Variants in STOX2 observed in about 807,000 individuals in gnomAD.
STOX2 encodes storkhead-box protein 2.
Under a neutral mutation model 60.9 loss-of-function variants are expected in STOX2, and 28 were observed. The ratio of observed to expected loss-of-function variants is 0.46; its 90% confidence interval spans 0.34 to 0.63. The LOEUF (loss-of-function observed/expected upper bound fraction) is 0.63. STOX2 is among the 30% of genes least tolerant of loss of function. The pLI is 0.01. For synonymous variants in STOX2, 472 were observed against 463.9 expected, an observed-to-expected ratio of 1.02 and a Z score of -0.22; for missense variants, 1,024 against 1,187.7, an observed-to-expected ratio of 0.86 and a Z score of 2.03.
At chr4:183,916,027 C>T (rs1313597249) in intron 1 of STOX2, among the ~76,000 whole-genome samples, 1 of 152,242 alleles carries the variant, frequency 6.6e-6, no homozygotes, top group Non-Finnish European at 1.5e-5. Context: ...TCCTGGCCTT[C>T]CTTACATGGA....
intron 1 of STOX2, among the ~76,000 whole-genome samples, chr4:183,961,649 G>T (rs937201948): frequency 6.6e-6 from 1 of 152,196 alleles, no homozygotes; most frequent in African/African-American, 2.4e-5. Flanking sequence ...CAGTGGTGAC[G>T]TCTGGGCTTT....
intron 1 of STOX2, among the ~76,000 whole-genome samples, chr4:183,933,278 A>G (rs1742489711): frequency 6.6e-6 from 1 of 152,254 alleles, no homozygotes; most frequent in Admixed American, 6.5e-5. Flanking sequence ...TTAATACTGC[A>G]GATTTAGCCA....
chr4:183,819,975 G>A (rs1739268254), intron 1 of STOX2, among the ~76,000 whole-genome samples: 1 of 152,184 alleles, frequency 6.6e-6, no homozygotes, highest in South Asian at 2.1e-4. Flanking sequence ...GTGCATTATG[G>A]TATAAGTATC....
Position 183,949,685 on chromosome 4 carries a change from G to A in STOX2, c.166+42729G>A, listed in dbSNP as rs558173647. 8.1e-4 allele frequency among the ~76,000 whole-genome samples: 123 copies of A among 152,302 alleles called. 2 individuals are homozygous for A. The highest frequency in any genetic ancestry group is 2.9e-3 in the African/African-American group (119 of 41,570). ...TGTACTCCAGCCTGGGCGACAGGGC[G>A]AGACTCCGTATCAAAATCAAACAAA... On this transcript the variant is annotated intron_variant, in intron 1 of 3. Transcript: ENST00000308497.
At chr4:183,834,609 C>T (rs191934852) in intron 1 of STOX2, among the ~76,000 whole-genome samples, 252 of 152,204 alleles carry the variant, frequency 1.7e-3, no homozygotes, top group Non-Finnish European at 2.8e-3. Context: ...CTATATATTC[C>T]CCAGTTGTCG....
Position 183,819,273 on chromosome 4 carries a change from G to A in STOX2, c.364+21218G>A, listed in dbSNP as rs376660875. Among the ~76,000 whole-genome samples, 24 of 152,196 alleles carry A rather than the reference G, an allele frequency of 1.6e-4. No individual in the cohort carries two copies. In the East Asian group the frequency reaches 2.1e-3, roughly 14 times the overall value. On this transcript the variant is annotated intron_variant, in intron 1 of 2. Transcript: ENST00000513034. ...GGGCAACATTGAGCACTGAGTGAAC[G>A]AGACTCCATCTGCAATCCCGGCACC...
chr4:183,965,312 C>T (rs1743533349), intron 1 of STOX2, among the ~76,000 whole-genome samples: 1 of 152,162 alleles, frequency 6.6e-6, no homozygotes, highest in South Asian at 2.1e-4. Context: ...ATTACACCCA[C>T]ATCACAGGTT....
chr4:183,895,700 C>T (rs187443739), intron 1 of STOX2, among the ~76,000 whole-genome samples: 74 of 152,228 alleles, frequency 4.9e-4, no homozygotes, highest in Middle Eastern at 3.4e-3. Flanking sequence ...TTTGGTACCC[C>T]AGTACCTAGA....
chr4:183,833,575 G>A (rs1454692291), intron 1 of STOX2, among the ~76,000 whole-genome samples: 3 of 151,362 alleles, frequency 2.0e-5, no homozygotes, highest in South Asian at 2.1e-4. Context: ...GAGAAATAGC[G>A]TTGGCAAGGC....
At position 183,906,614 on chromosome 4, in the gene STOX2, T is replaced by G. The variant is rs999148352; in HGVS notation, c.-177T>G. 1.8e-5 allele frequency: 11 copies of G among 601,636 alleles called. No homozygotes were observed. The highest frequency in any genetic ancestry group is 2.5e-5 in the Non-Finnish European group (9 of 354,598). The allele number at this position is 601,636 out of a possible 1,614,324, so 37.3% of individuals were successfully genotyped here. ...AATCGGAGCCTTCGCCGTGGGGGTG[T>G]GGGGGGGCGTGGGGAGGGCCGGACC... is the stretch of plus-strand genomic sequence containing the variant. On this transcript the variant is annotated 5_prime_UTR_variant, in exon 1 of 4. Transcript: ENST00000308497.
intron 1 of STOX2, among the ~76,000 whole-genome samples, chr4:183,815,479 A>G (rs1739134335): frequency 6.6e-6 from 1 of 152,194 alleles, no homozygotes; most frequent in Non-Finnish European, 1.5e-5. Flanking sequence ...GATTTTTAAT[A>G]AATGATATAT....
At chr4:183,924,340 AG>A (rs1441024255) in intron 1 of STOX2, among the ~76,000 whole-genome samples, 2 of 152,062 alleles carry the variant, frequency 1.3e-5, no homozygotes, top group Non-Finnish European at 2.9e-5. Context: ...GGGCTGAGTA[AG>A]GGGGGCTGGA....
chr4:183,901,370 C>T (rs536738502), upstream of STOX2, among the ~76,000 whole-genome samples: 1 of 152,246 alleles, frequency 6.6e-6, no homozygotes, highest in Admixed American at 6.5e-5. Flanking sequence ...TTGCTATGAA[C>T]ATGGGGGTGG....
chr4:183,830,489 G>A (rs1403659073), intron 1 of STOX2, among the ~76,000 whole-genome samples: 1 of 152,156 alleles, frequency 6.6e-6, no homozygotes, highest in Non-Finnish European at 1.5e-5. Flanking sequence ...GCCAGGGCTG[G>A]GAGAGATGGT....
chr4:183,834,585 G>A (rs950592486), intron 1 of STOX2, among the ~76,000 whole-genome samples: 1 of 152,254 alleles, frequency 6.6e-6, no homozygotes, highest in African/African-American at 2.4e-5. Flanking sequence ...AAGGAAGGCT[G>A]TTGGCTCTAC....
rs145388948 is a variant in STOX2, at chr4:183,939,201, A to G, written c.166+32245A>G. Among the ~76,000 whole-genome samples the G allele has an allele frequency of 3.6e-3, 548 of 152,316 alleles. 14 individuals are homozygous for G. Among genetic ancestry groups the G allele is most frequent in the Admixed American group, 0.024 (371 of 15,300 alleles). ...GCAAAGTAGCACACACTGGGTGGCTAACAACCCCTGAAGTGTATTCTCTCA... is the reference window on the plus strand; with the variant it reads ...GCAAAGTAGCACACACTGGGTGGCTGACAACCCCTGAAGTGTATTCTCTCA... On this transcript the variant is annotated intron_variant, in intron 1 of 3. Coordinates refer to ENST00000308497, the MANE Select transcript of STOX2 (RefSeq NM_020225.3).
chr4:183,855,818 C>A (rs928394863), intron 1 of STOX2, among the ~76,000 whole-genome samples: 4 of 152,166 alleles, frequency 2.6e-5, no homozygotes, highest in East Asian at 1.9e-4. Flanking sequence ...CGTCTGGAAG[C>A]GTGCAAATGT....
intron 1 of STOX2, among the ~76,000 whole-genome samples, chr4:183,810,528 A>C (rs1261194052): frequency 1.3e-5 from 2 of 152,154 alleles, no homozygotes; most frequent in Non-Finnish European, 2.9e-5. Flanking sequence ...ACCAAGAAAC[A>C]TCAGGGGTGC....
chr4:183,851,345 G>C (rs1326988405), intron 1 of STOX2, among the ~76,000 whole-genome samples: 4 of 80,094 alleles, frequency 5.0e-5, no homozygotes, highest in Admixed American at 1.2e-4. Context: ...ATGAGGGAAA[G>C]GATGAGAGAA....
Sources: allele counts gnomAD v4.1 joint callset (sites outside exome capture counted in the v4.1 genomes callset), GRCh38; gene constraint gnomAD v4.1.1; transcripts MANE v1.5; gene names NCBI Gene and HGNC (gene_info 2026-07-23, HGNC 2026-07-21).